Variants in ANK3 observed in about 807,000 individuals in gnomAD.
The protein encoded by ANK3 is ankyrin-3.
Under a neutral mutation model 370.9 loss-of-function variants are expected in ANK3, and 57 were observed. That is an observed-to-expected ratio of 0.15 (90% CI 0.12 to 0.19). The LOEUF (loss-of-function observed/expected upper bound fraction) is 0.19, where lower values mean the gene tolerates loss of function less well. ANK3 is among the 10% of genes least tolerant of loss of function. The probability of loss-of-function intolerance (pLI) is 1.00; values close to 1 mark genes in which losing one functional copy is unlikely to be tolerated. For synonymous variants in ANK3, 1,929 were observed against 1,946.3 expected (o/e 0.99, Z 0.23); for missense variants, 4,439 against 5,302.1 (o/e 0.84, Z 5.06).
At chr10:60,128,064 A>G (rs558600469) in intron 25 of ANK3, among the ~76,000 whole-genome samples, 30 of 152,330 alleles carry the variant, frequency 2.0e-4, no homozygotes, top group Non-Finnish European at 3.7e-4. Flanking sequence ...TGAATAAATA[A>G]AAGACTTTAT....
intron 7 of ANK3, among the ~76,000 whole-genome samples, chr10:60,240,101 C>CTTAT (rs2097410839): frequency 9.9e-6 from 1 of 101,240 alleles, no homozygotes; most frequent in African/African-American, 4.4e-5. Context: ...TATACACACA[C>CTTAT]ATAAATACAT....
chr10:60,095,284 G>A (rs12253260), intron 28 of ANK3, among the ~76,000 whole-genome samples: 16,443 of 152,268 alleles, frequency 0.11, 1,142 homozygotes, highest in African/African-American at 0.2. Context: ...GAATCAATGA[G>A]ACTCAGACAC....
chr10:60,694,578 G>A (rs1404572977), intron 1 of ANK3, among the ~76,000 whole-genome samples: 1 of 152,142 alleles, frequency 6.6e-6, no homozygotes, highest in Non-Finnish European at 1.5e-5. Context: ...CCAGAAGAGA[G>A]TGGGGGCCAA....
intron 25 of ANK3, among the ~76,000 whole-genome samples, chr10:60,116,340 T>G (rs928823882): frequency 1.2e-4 from 18 of 152,158 alleles, no homozygotes; most frequent in Non-Finnish European, 2.4e-4. Context: ...GGCTTATTAC[T>G]TCAGTGGAAA....
At chr10:60,225,908 A>T (rs2097132021) in intron 8 of ANK3, among the ~76,000 whole-genome samples, 1 of 149,816 alleles carries the variant, frequency 6.7e-6, no homozygotes, top group Non-Finnish European at 1.5e-5. Context: ...TTTTTAGTTA[A>T]TTTTTTTTGG....
At chr10:60,131,832 T>C (rs776787382) in intron 25 of ANK3, among the ~76,000 whole-genome samples, 1 of 152,154 alleles carries the variant, frequency 6.6e-6, no homozygotes, top group East Asian at 1.9e-4. Flanking sequence ...GTGATGGTGG[T>C]GGTGGTTCCA....
At chr10:60,402,846 A>G (rs779133600) in intron 2 of ANK3, among the ~76,000 whole-genome samples, 22 of 152,174 alleles carry the variant, frequency 1.4e-4, no homozygotes, top group Non-Finnish European at 2.6e-4. Flanking sequence ...AACCTGCCTG[A>G]ACCATAAGAA....
intron 23 of ANK3, chr10:60,140,098 G>A: frequency 1.9e-6 from 1 of 528,410 alleles, no homozygotes; most frequent in Non-Finnish European, 3.3e-6. Flanking sequence ...TCCTGCATTC[G>A]GTACTGTTTA....
chr10:60,562,906 A>G (rs2133251931), intron 2 of ANK3, among the ~76,000 whole-genome samples: 1 of 152,346 alleles, frequency 6.6e-6, no homozygotes, highest in East Asian at 1.9e-4. Flanking sequence ...CATATGATTA[A>G]CATTATTTTC....
chr10:60,473,939 G>T (rs1381603630), intron 2 of ANK3, among the ~76,000 whole-genome samples: 2 of 146,868 alleles, frequency 1.4e-5, no homozygotes, highest in African/African-American at 5.0e-5. Flanking sequence ...AGACCAGCCT[G>T]GGCAATAAAA....
At chr10:60,553,147 C>T (rs150497019) in intron 2 of ANK3, among the ~76,000 whole-genome samples, 150 of 152,200 alleles carry the variant, frequency 9.9e-4, no homozygotes, top group Non-Finnish European at 1.7e-3. Context: ...TTAATTACAC[C>T]GTCTAAATGG....
intron 1 of ANK3, among the ~76,000 whole-genome samples, chr10:60,641,236 C>T (rs1469961929): frequency 6.7e-6 from 1 of 148,510 alleles, no homozygotes; most frequent in African/African-American, 2.5e-5. Context: ...ATGCCATCCC[C>T]ATCAAGCTAC....
intron 2 of ANK3, chr10:60,572,706 T>C: frequency 7.1e-7 from 1 of 1,412,344 alleles, no homozygotes; most frequent in Non-Finnish European, 9.2e-7. Flanking sequence ...GGGCTGCTAA[T>C]GTAGCCCTGT....
In ANK3 at chr10:60,054,254, T is replaced by C. The variant is rs1340497456; in HGVS notation, c.13065+1404A>G. 3.3e-5 allele frequency among the ~76,000 whole-genome samples: 5 copies of C among 152,326 alleles called. No individual in the cohort carries two copies. The East Asian group carries it at 7.7e-4, about 24-fold the overall frequency. ...TTCTCTCTATATTTTGTGGGATCAT[T>C]TTAAAAGGAAACTTATCCAAAACTC... On this transcript the variant is annotated intron_variant, in intron 42 of 43. Coordinates refer to ENST00000280772, the MANE Select transcript of ANK3 (RefSeq NM_020987.5).
At chr10:60,460,110 C>T (rs1247627669) in intron 2 of ANK3, among the ~76,000 whole-genome samples, 1 of 152,138 alleles carries the variant, frequency 6.6e-6, no homozygotes, top group Non-Finnish European at 1.5e-5. Flanking sequence ...TGAGCACACC[C>T]ACATGAAATT....
chr10:60,668,635 A>C (rs1423006637), intron 1 of ANK3, among the ~76,000 whole-genome samples: 2 of 152,142 alleles, frequency 1.3e-5, no homozygotes, highest in Non-Finnish European at 2.9e-5. Context: ...GGAAGTTTCA[A>C]GCAGGTGCAC....
chr10:60,292,325 CAAAG>C (rs923348275), intron 1 of ANK3, among the ~76,000 whole-genome samples: 52 of 149,370 alleles, frequency 3.5e-4, no homozygotes, highest in African/African-American at 1.2e-3. Flanking sequence ...CCTCTTGAGA[CAAAG>C]AAGCATGAGA....
intron 2 of ANK3, among the ~76,000 whole-genome samples, chr10:60,400,282 T>C (rs2063328363): frequency 6.6e-6 from 1 of 152,186 alleles, no homozygotes; most frequent in African/African-American, 2.4e-5. Flanking sequence ...TTCTAGCCAA[T>C]TTGAGTTTTT....
At chr10:60,120,006 G>C (rs1202052192) in intron 25 of ANK3, among the ~76,000 whole-genome samples, 1 of 151,974 alleles carries the variant, frequency 6.6e-6, no homozygotes, top group Non-Finnish European at 1.5e-5. Context: ...AACAGCCAAA[G>C]CTATCCTAAG....
Sources: gnomAD v4.1 joint callset for allele counts (sites outside exome capture counted in the v4.1 genomes callset) on GRCh38, gnomAD v4.1.1 for gene constraint, MANE v1.5 for transcripts, NCBI Gene and HGNC (gene_info 2026-07-23, HGNC 2026-07-21) for gene names.